The following CCDC178 variants were observed in gnomAD, a reference collection of about 807,000 sequenced individuals.
The protein encoded by CCDC178 is coiled-coil domain-containing protein 178.
A neutral mutation model predicts 117.4 loss-of-function variants in CCDC178; 126 were observed. The observed-to-expected ratio is 1.07, with a 90% CI of 0.93 to 1.24. CCDC178 has a LOEUF of 1.24. CCDC178 is among the 50% of genes most tolerant of loss of function. The pLI is 0.00. For synonymous variants in CCDC178, 283 were observed against 313.4 expected, an observed-to-expected ratio of 0.90 and a Z score of 1.02; for missense variants, 1,030 against 986.9, an observed-to-expected ratio of 1.04 and a Z score of -0.59.
At chr18:33,293,564 C>A (rs956983010) in intron 11 of CCDC178, among the ~76,000 whole-genome samples, 6 of 151,980 alleles carry the variant, frequency 3.9e-5, no homozygotes, top group African/African-American at 1.4e-4. Context: ...ACTTAGTAGG[C>A]GGAGATGGGA....
intron 5 of CCDC178, among the ~76,000 whole-genome samples, chr18:33,388,159 A>G (rs1428299345): frequency 6.6e-6 from 1 of 152,224 alleles, no homozygotes; most frequent in Non-Finnish European, 1.5e-5. Context: ...CAAAACTACA[A>G]TGAGATACCA....
intron 11 of CCDC178, among the ~76,000 whole-genome samples, chr18:33,319,265 C>T (rs562506319): frequency 6.6e-6 from 1 of 151,982 alleles, no homozygotes; most frequent in Admixed American, 6.5e-5. Context: ...GTGTTCAATT[C>T]CCACCGATGA....
At chr18:33,416,605 C>G (rs115883814) in intron 2 of CCDC178, among the ~76,000 whole-genome samples, 1 of 152,078 alleles carries the variant, frequency 6.6e-6, no homozygotes, top group Admixed American at 6.5e-5. Flanking sequence ...AAGAACCACA[C>G]CCTACTCTCC....
At chr18:33,134,144 T>C (rs1292119448) in intron 20 of CCDC178, among the ~76,000 whole-genome samples, 1 of 152,020 alleles carries the variant, frequency 6.6e-6, no homozygotes, top group African/African-American at 2.4e-5. Context: ...ACAAGAATTA[T>C]ATAATAATTT....
In CCDC178 at chr18:33,165,530, T is replaced by C. The variant is rs1031494530; in HGVS notation, c.2238+46366A>G. Among the ~76,000 whole-genome samples, 43 of 152,300 alleles carry C rather than the reference T, an allele frequency of 2.8e-4. 1 individual carries two copies. Among genetic ancestry groups the C allele is most frequent in the African/African-American group, 1.0e-3 (42 of 41,568 alleles). ...TCCCCCTTGGACACTGAAGGATGAC[T>C]GAATAAGTTCTACAAAATTCTAATT... On this transcript the variant is annotated intron_variant, in intron 20 of 22. Transcript: ENST00000383096.
intron 21 of CCDC178, among the ~76,000 whole-genome samples, chr18:32,992,190 T>C (rs2055408757): frequency 1.3e-5 from 2 of 152,198 alleles, no homozygotes; most frequent in South Asian, 4.1e-4. Context: ...GTAAATGAGC[T>C]TTTGGAGACC....
chr18:33,320,211 C>T (rs1227895405), intron 11 of CCDC178, among the ~76,000 whole-genome samples: 4 of 152,204 alleles, frequency 2.6e-5, no homozygotes, highest in African/African-American at 9.6e-5. Context: ...CTCACCACTC[C>T]TGTTCAACAT....
intron 5 of CCDC178, among the ~76,000 whole-genome samples, chr18:33,387,524 T>A (rs1386794717): frequency 6.6e-6 from 1 of 151,940 alleles, no homozygotes; most frequent in Non-Finnish European, 1.5e-5. Context: ...CATAGACCAA[T>A]AGAAGTGAAT....
chr18:33,435,912 C>G (rs1286223339), intron 2 of CCDC178, among the ~76,000 whole-genome samples: 1 of 151,742 alleles, frequency 6.6e-6, no homozygotes, highest in African/African-American at 2.4e-5. Flanking sequence ...TGAGGAAAAC[C>G]AGGTGAGCAG....
At chr18:32,971,180 C>T (rs993061134) in intron 22 of CCDC178, among the ~76,000 whole-genome samples, 1 of 151,914 alleles carries the variant, frequency 6.6e-6, no homozygotes, top group Non-Finnish European at 1.5e-5. Context: ...CCTTACCCCC[C>T]ACCCCACTAC....
In CCDC178 at chr18:33,241,475, G is replaced by C. The variant is rs563653998; in HGVS notation, c.1593+3770C>G. On this transcript the variant is annotated intron_variant, in intron 15 of 22. Coordinates refer to ENST00000383096, the MANE Select transcript of CCDC178 (RefSeq NM_001105528.4). ...GTGTGTGTGTGTGTGTGTGTAGAGA[G>C]AGACTCTACCAAAAAAATTGTAGAA... is the stretch of plus-strand genomic sequence containing the variant. Among the ~76,000 whole-genome samples, 32 of 149,866 alleles carry C rather than the reference G, an allele frequency of 2.1e-4. No homozygotes were observed. In the East Asian group the frequency reaches 5.1e-3, roughly 24 times the overall value.
intron 2 of CCDC178, among the ~76,000 whole-genome samples, chr18:33,421,581 T>G (rs2064025312): frequency 6.6e-6 from 1 of 152,182 alleles, no homozygotes; most frequent in South Asian, 2.1e-4. Context: ...TGAGAGCTAG[T>G]TGTTAAACAT....
intron 19 of CCDC178, among the ~76,000 whole-genome samples, chr18:33,214,242 C>T (rs549089165): frequency 8.5e-5 from 13 of 152,178 alleles, no homozygotes; most frequent in Non-Finnish European, 1.9e-4. Context: ...TTGTCCAGGA[C>T]GTACCTGGCA....
chr18:33,114,566 A>G (rs2057827133), intron 20 of CCDC178, among the ~76,000 whole-genome samples: 2 of 152,088 alleles, frequency 1.3e-5, no homozygotes, highest in Non-Finnish European at 2.9e-5. Flanking sequence ...AAAGGAGCCC[A>G]CAGAAAATCC....
chr18:32,978,358 C>T (rs1023425013), intron 21 of CCDC178, among the ~76,000 whole-genome samples: 3 of 151,066 alleles, frequency 2.0e-5, no homozygotes, highest in African/African-American at 4.9e-5. Context: ...CATTTGCACA[C>T]GAAAGACAAA....
chr18:33,353,771 A>T (rs988519133), intron 7 of CCDC178, among the ~76,000 whole-genome samples: 1 of 152,156 alleles, frequency 6.6e-6, no homozygotes, highest in Non-Finnish European at 1.5e-5. Flanking sequence ...TATAATTATG[A>T]ATTTTATCCA....
At chr18:32,974,458 A>T in intron 22 of CCDC178, 89 bp downstream of exon 22, 2 of 1,214,196 alleles carry the variant, frequency 1.6e-6, no homozygotes, top group Non-Finnish European at 2.4e-6. Flanking sequence ...CTCTGATGGG[A>T]TATGGTTTTA....
chr18:33,147,091 C>A (rs2144323031), intron 20 of CCDC178, among the ~76,000 whole-genome samples: 1 of 151,302 alleles, frequency 6.6e-6, no homozygotes, highest in Non-Finnish European at 1.5e-5. Flanking sequence ...GAACAATGAA[C>A]ACAACACTAA....
At chr18:33,421,090 C>T (rs1330904407) in intron 2 of CCDC178, among the ~76,000 whole-genome samples, 1 of 152,108 alleles carries the variant, frequency 6.6e-6, no homozygotes, top group Non-Finnish European at 1.5e-5. Context: ...TGACATCTAC[C>T]TATAATTAAC....
Sources: gnomAD v4.1 joint callset for allele counts (sites outside exome capture counted in the v4.1 genomes callset) on GRCh38, gnomAD v4.1.1 for gene constraint, MANE v1.5 for transcripts, NCBI Gene and HGNC (gene_info 2026-07-23, HGNC 2026-07-21) for gene names.